The following BTD variants were observed in gnomAD, a reference collection of about 807,000 sequenced individuals.
BTD encodes biotinidase.
BTD carries 13 observed loss-of-function variants against 17.7 expected under a neutral mutation model. The ratio of observed to expected loss-of-function variants is 0.74; its 90% CI spans 0.48 to 1.17. The LOEUF (loss-of-function observed/expected upper bound fraction) is 1.17. Among genes scored for constraint, BTD ranks in the 50% most tolerant of loss-of-function variants. The pLI is 0.00. For missense variants in BTD, 674 were observed against 650.4 expected, an observed-to-expected ratio of 1.04 and a Z score of -0.39; for synonymous variants, 240 against 245.2, an observed-to-expected ratio of 0.98 and a Z score of 0.20.
chr3:15,645,319 G>A lies in BTD; in HGVS notation c.1403G>A (p.Gly468Asp), dbSNP rs397514424. Residue 468 changes from glycine (G) to aspartate (D), a missense_variant, in exon 4 of 4, where the codon GGC becomes GAC. Gly to Asp is a moderately conservative substitution (Grantham distance 94). Coordinates refer to ENST00000643237, the MANE Select transcript of BTD (RefSeq NM_001370658.1). Reference sequence around the variant, plus strand: ...GGGATATTTGAGTTTCACCTGTGGGGCAACTTCAGTACTTCCTATATCTTT... The same window carrying A: ...GGGATATTTGAGTTTCACCTGTGGGACAACTTCAGTACTTCCTATATCTTT... ...ATGIFEFHLWGNFSTSYIFPL... is the reference protein window; with the variant it reads ...ATGIFEFHLWDNFSTSYIFPL... 3 of 1,614,192 alleles carry A rather than the reference G, an allele frequency of 1.9e-6. No individual in the cohort carries two copies. Among genetic ancestry groups the A allele is most frequent in the South Asian group, 2.2e-5 (2 of 91,080 alleles).
chr3:15,694,827 G>A (rs897145799), intron 3 of BTD: 2 of 1,611,690 alleles, frequency 1.2e-6, no homozygotes, highest in African/African-American at 2.7e-5. Flanking sequence ...AAAAAGAAGA[G>A]GCATTTTAAA....
Position 15,644,330 on chromosome 3 carries a change from G to A in BTD, c.414G>A (p.Leu138=), listed in dbSNP as rs150768007. 1 of 1,613,938 alleles carries A rather than the reference G, an allele frequency of 6.2e-7. No homozygotes were observed. ...RFNDTEVLQR[L]SCMAIRGDMF... ...TTTTCCTCTAGGTGCTCCAGCGCCT[G>A]AGTTGTATGGCCATCAGGGGAGATA... The change falls in exon 4 of 4, where the codon CTG becomes CTA. Residue 138 remains leucine, a synonymous_variant. Transcript: ENST00000643237.
chr3:15,630,190 G>A, intron 1 of BTD: 3 of 577,088 alleles, frequency 5.2e-6, no homozygotes, highest in Non-Finnish European at 6.6e-6. Context: ...TTGTTTAACT[G>A]TAAAAGAGAT....
At chr3:15,614,118 TTTCTTTC>T (rs199657443) in intron 1 of BTD, among the ~76,000 whole-genome samples, 3,487 of 149,488 alleles carry the variant, frequency 0.023, 145 homozygotes, top group African/African-American at 0.08. Context: ...TCCCTCTTTC[TTTCTTTC>T]TTTTTTTTTT....
intron 3 of BTD, among the ~76,000 whole-genome samples, chr3:15,673,754 C>G (rs1454869354): frequency 6.6e-6 from 1 of 151,974 alleles, no homozygotes; most frequent in African/African-American, 2.4e-5. Flanking sequence ...AGTAAACAGC[C>G]AGAATGAAGA....
intron 1 of BTD, among the ~76,000 whole-genome samples, chr3:15,612,790 G>A (rs2064676027): frequency 6.6e-6 from 1 of 151,358 alleles, no homozygotes; most frequent in African/African-American, 2.4e-5. Flanking sequence ...TTATCTCAAA[G>A]TCTCTATGTG....
intron 1 of BTD, among the ~76,000 whole-genome samples, chr3:15,609,894 A>AT (rs969528679): frequency 1.3e-5 from 2 of 149,882 alleles, no homozygotes; most frequent in African/African-American, 4.9e-5. Context: ...TTTTTTTTTA[A>AT]TTTTTTTATT....
intron 3 of BTD, among the ~76,000 whole-genome samples, chr3:15,695,816 C>T (rs1176257577): frequency 3.3e-5 from 5 of 152,052 alleles, no homozygotes; most frequent in African/African-American, 1.2e-4. Context: ...ACTTTTATTT[C>T]TCACAAAAGA....
At chr3:15,691,820 T>C (rs1478972401) in intron 3 of BTD, among the ~76,000 whole-genome samples, 1 of 152,098 alleles carries the variant, frequency 6.6e-6, no homozygotes, top group Non-Finnish European at 1.5e-5. Context: ...ACATTAAATA[T>C]AAAAGACAAT....
At chr3:15,709,865 C>T in intron 3 of BTD, 1 of 565,878 alleles carries the variant, frequency 1.8e-6, no homozygotes, top group Non-Finnish European at 3.1e-6. Flanking sequence ...GATTTACATT[C>T]TATGAAGAAT....
chr3:15,661,265 CAAAAAAAAAAAA>C (rs56165902), intron 3 of BTD, among the ~76,000 whole-genome samples: 19 of 93,780 alleles, frequency 2.0e-4, no homozygotes, highest in South Asian at 7.2e-4. Flanking sequence ...GACTCTGTCT[CAAAAAAAAAAAA>C]AAAAAAAAAA....
chr3:15,686,452 A>C (rs1444313373), intron 3 of BTD: 1 of 688,248 alleles, frequency 1.5e-6, no homozygotes, highest in African/African-American at 1.8e-5. Context: ...ATAGGTAAAA[A>C]GAAGGTTTCT....
In BTD at chr3:15,646,426, T is replaced by G. The variant is rs1420160927; in HGVS notation, c.*938T>G. The G allele has an allele frequency of 2.6e-5, 4 of 152,224 alleles. No homozygotes were observed. The highest frequency in any genetic ancestry group is 6.5e-5 in the Admixed American group (1 of 15,276). 9.4% of individuals were successfully genotyped at this position (152,224 alleles called of 1,614,324 possible). ...AGCGATGCCTGGCACCCCATAGAGA[T>G]AAGTTGCAGGGACTGCCGTGAAGGG... On this transcript the variant is annotated 3_prime_UTR_variant, in exon 4 of 4. Coordinates refer to ENST00000643237, the MANE Select transcript of BTD (RefSeq NM_001370658.1).
chr3:15,690,770 T>C (rs747969650), intron 3 of BTD, among the ~76,000 whole-genome samples: 4 of 152,078 alleles, frequency 2.6e-5, no homozygotes, highest in African/African-American at 4.8e-5. Context: ...GGTCTCGCTA[T>C]GCTATCCGGG....
chr3:15,668,483 G>T (rs2066093941), intron 3 of BTD: 1 of 152,176 alleles, frequency 6.6e-6, no homozygotes, highest in African/African-American at 2.4e-5. Context: ...AGAAAAGATG[G>T]GGGATTAGAT....
chr3:15,673,521 C>T (rs1388452326), intron 3 of BTD, among the ~76,000 whole-genome samples: 1 of 151,906 alleles, frequency 6.6e-6, no homozygotes, highest in African/African-American at 2.4e-5. Flanking sequence ...ATCAACATAA[C>T]AAAAAAGTAC....
intron 3 of BTD, among the ~76,000 whole-genome samples, chr3:15,662,486 T>C (rs61538149): frequency 0.12 from 18,354 of 152,266 alleles, 1,506 homozygotes; most frequent in East Asian, 0.43. Flanking sequence ...TAATTACTTA[T>C]TAGTTCCAAC....
chr3:15,654,861 T>C (rs370519851), downstream of BTD, among the ~76,000 whole-genome samples: 406 of 152,188 alleles, frequency 2.7e-3, 1 homozygote, highest in African/African-American at 9.4e-3. Context: ...CAGCCTCCCA[T>C]GTAGCTGGGA....
downstream of BTD, among the ~76,000 whole-genome samples, chr3:15,717,543 T>G (rs2470516): frequency 0.47 from 70,195 of 150,404 alleles, 19,171 homozygotes; most frequent in Non-Finnish European, 0.6. Context: ...AAAAGAAAAA[T>G]AACAAAAACC....
Sources: gnomAD v4.1 joint callset for allele counts (sites outside exome capture counted in the v4.1 genomes callset) on GRCh38, gnomAD v4.1.1 for gene constraint, MANE v1.5 for transcripts, NCBI Gene and HGNC (gene_info 2026-07-23, HGNC 2026-07-21) for gene names.